Variants in GRIP1 observed in about 807,000 individuals in gnomAD.
GRIP1 encodes the protein glutamate receptor-interacting protein 1.
In GRIP1, 45 loss-of-function variants were observed where a neutral mutation model predicts 129.9. The observed-to-expected ratio is 0.35, with a 90% CI of 0.27 to 0.44. The LOEUF (loss-of-function observed/expected upper bound fraction) is 0.44, where lower values mean the gene tolerates loss of function less well. GRIP1 is among the 20% of genes least tolerant of loss of function. GRIP1 has a pLI of 1.00. For synonymous variants in GRIP1, 530 were observed against 520.8 expected, an observed-to-expected ratio of 1.02 and a Z score of -0.24; for missense variants, 1,196 against 1,396.8, an observed-to-expected ratio of 0.86 and a Z score of 2.29.
At chr12:66,604,505 T>C (rs1300620769) in intron 1 of GRIP1, among the ~76,000 whole-genome samples, 2 of 152,360 alleles carry the variant, frequency 1.3e-5, no homozygotes, top group East Asian at 3.9e-4. Flanking sequence ...ATAAAGTTCA[T>C]TTTCATGACC....
At chr12:66,975,530 G>C (rs986212648) in intron 1 of GRIP1, among the ~76,000 whole-genome samples, 1 of 152,156 alleles carries the variant, frequency 6.6e-6, no homozygotes, top group African/African-American at 2.4e-5. Context: ...TACCATGATA[G>C]AGGACTTATC....
intron 2 of GRIP1, among the ~76,000 whole-genome samples, chr12:66,545,152 A>G (rs900276830): frequency 2.6e-5 from 4 of 152,172 alleles, no homozygotes; most frequent in Non-Finnish European, 5.9e-5. Context: ...TTTTTCCTTA[A>G]TCACCATATT....
intron 11 of GRIP1, among the ~76,000 whole-genome samples, chr12:66,449,360 C>G (rs2058712579): frequency 6.6e-6 from 1 of 152,182 alleles, no homozygotes; most frequent in Admixed American, 6.5e-5. Flanking sequence ...CCATAAGGAA[C>G]TACAAGTCAT....
chr12:66,552,187 G>T (rs182352975), intron 2 of GRIP1, among the ~76,000 whole-genome samples: 1 of 152,256 alleles, frequency 6.6e-6, no homozygotes, highest in East Asian at 1.9e-4. Flanking sequence ...AGGTTCCATT[G>T]TGCCTGAAAG....
chr12:66,777,467 T>C (rs2038018770), intron 1 of GRIP1, among the ~76,000 whole-genome samples: 2 of 152,160 alleles, frequency 1.3e-5, no homozygotes, highest in African/African-American at 4.8e-5. Context: ...AACACAGAAT[T>C]TTACTTTTTC....
chr12:66,574,946 A>G (rs1246028725), intron 2 of GRIP1, among the ~76,000 whole-genome samples: 2 of 148,960 alleles, frequency 1.3e-5, no homozygotes, highest in Non-Finnish European at 3.0e-5. Flanking sequence ...TTTTTTTTCT[A>G]TTTTTAATAG....
In GRIP1 at chr12:66,401,598, G is replaced by GTGTATATATATATATATA. The variant is rs71096098; in HGVS notation, c.1984+4684_1984+4685insTATATATATATATATACA. Among the ~76,000 whole-genome samples, 383 of 66,156 alleles carry GTGTATATATATATATATA rather than the reference G, an allele frequency of 5.8e-3. 15 individuals are homozygous for GTGTATATATATATATATA. Among genetic ancestry groups the GTGTATATATATATATATA allele is most frequent in the Admixed American group, 0.012 (70 of 5,716 alleles). 43.4% of individuals were successfully genotyped at this position (66,156 alleles called of 152,430 possible). A position where few individuals can be genotyped will look rare whatever the true frequency, so the allele number is the denominator to read the frequency against. On this transcript the variant is annotated intron_variant, in intron 16 of 24. Transcript: ENST00000359742. ...CCGTCTCAAAAAAAAAAATATGTGT[G>GTGTATATATATATATATA]TATATATATATACACACACACACAC...
At chr12:67,039,084 GA>G (rs2043140114) in intron 1 of GRIP1, among the ~76,000 whole-genome samples, 1 of 150,738 alleles carries the variant, frequency 6.6e-6, no homozygotes, top group African/African-American at 2.4e-5. Flanking sequence ...ATTTTTAAAT[GA>G]AAAATACAGA....
intron 2 of GRIP1, among the ~76,000 whole-genome samples, chr12:66,544,872 C>A (rs1034941351): frequency 1.3e-5 from 2 of 151,970 alleles, no homozygotes; most frequent in African/African-American, 4.8e-5. Flanking sequence ...AGTGATCTAA[C>A]GAAGACAGAA....
rs149786437 is a variant in GRIP1 at position 66,571,779 on chromosome 12, T to C, written c.136+25068A>G. Among the ~76,000 whole-genome samples, 882 of 152,296 alleles carry C rather than the reference T, an allele frequency of 5.8e-3. 10 individuals carry two copies. Among genetic ancestry groups the C allele is most frequent in the African/African-American group, 0.019 (810 of 41,564 alleles). On this transcript the variant is annotated intron_variant, in intron 2 of 24. Coordinates refer to ENST00000359742, the MANE Select transcript of GRIP1 (RefSeq NM_001366722.1). ...TGCCTGAATTAACAGAGATGCTTCATGGTTATTGTATTTCTAAAGTTTAGT... is the reference window on the plus strand; with the variant it reads ...TGCCTGAATTAACAGAGATGCTTCACGGTTATTGTATTTCTAAAGTTTAGT...
chr12:66,691,423 A>G (rs1449140937), intron 1 of GRIP1, among the ~76,000 whole-genome samples: 6 of 152,236 alleles, frequency 3.9e-5, no homozygotes. Context: ...CATTAAAAAT[A>G]CAACAGGGAG....
intron 15 of GRIP1, among the ~76,000 whole-genome samples, chr12:66,408,063 T>C (rs2057259781): frequency 6.6e-6 from 1 of 152,216 alleles, no homozygotes; most frequent in African/African-American, 2.4e-5. Context: ...TCTAGGTCTT[T>C]GCCCCGGGAT....
intron 1 of GRIP1, among the ~76,000 whole-genome samples, chr12:66,763,403 T>C (rs1309264821): frequency 2.0e-5 from 3 of 152,140 alleles, no homozygotes; most frequent in African/African-American, 7.2e-5. Context: ...AGAAACAAGC[T>C]CCACCTCAGA....
At chr12:66,954,480 T>A (rs572958280) in intron 1 of GRIP1, among the ~76,000 whole-genome samples, 13 of 152,204 alleles carry the variant, frequency 8.5e-5, no homozygotes, top group Admixed American at 3.3e-4. Context: ...ACCCCATCCC[T>A]GTCTCAACCA....
At position 66,392,669 on chromosome 12, in the gene GRIP1, C is replaced by A; in HGVS notation, c.2269+8G>T. The A allele has an allele frequency of 6.8e-6, 11 of 1,613,996 alleles. No individual in the cohort carries two copies. The highest frequency in any genetic ancestry group is 9.3e-6 in the Non-Finnish European group (11 of 1,179,828). On this transcript the variant is annotated splice_region_variant and intron_variant, in intron 18 of 24. Coordinates refer to ENST00000359742, the MANE Select transcript of GRIP1 (RefSeq NM_001366722.1). ...ATCCTTAATTGTGGCTTTCAATTCA[C>A]TACTCACCATCTGTCTGTTTCTTAA...
intron 23 of GRIP1, among the ~76,000 whole-genome samples, chr12:66,363,244 CT>C (rs1288493037): frequency 3.3e-4 from 31 of 94,180 alleles, no homozygotes; most frequent in African/African-American, 7.8e-4. Flanking sequence ...TTCTGTATCT[CT>C]TTTTTTTTTC....
chr12:66,520,653 A>T (rs1434343833), intron 5 of GRIP1, among the ~76,000 whole-genome samples: 1 of 152,208 alleles, frequency 6.6e-6, no homozygotes, highest in Non-Finnish European at 1.5e-5. Flanking sequence ...AATTCCTGCA[A>T]ACTGTGGGAA....
At chr12:66,814,666 TTAAA>T (rs1355783036) in intron 1 of GRIP1, among the ~76,000 whole-genome samples, 1 of 149,306 alleles carries the variant, frequency 6.7e-6, no homozygotes, top group Non-Finnish European at 1.5e-5. Flanking sequence ...TATAGAAAAA[TTAAA>T]TAAATAAATC....
intron 19 of GRIP1, among the ~76,000 whole-genome samples, chr12:66,388,794 T>TG (rs2056464572): frequency 6.6e-6 from 1 of 152,210 alleles, no homozygotes; most frequent in Admixed American, 6.5e-5. Context: ...ATAGGGCCAC[T>TG]GTTTGTTTAT....
Sources: gnomAD v4.1 joint callset for allele counts (sites outside exome capture counted in the v4.1 genomes callset) on GRCh38, gnomAD v4.1.1 for gene constraint, MANE v1.5 for transcripts, NCBI Gene and HGNC (gene_info 2026-07-23, HGNC 2026-07-21) for gene names.